Variants in MACROD2 observed in about 807,000 individuals in gnomAD.
MACROD2 encodes the protein ADP-ribose glycohydrolase MACROD2.
A neutral mutation model predicts 70.4 loss-of-function variants in MACROD2; 36 were observed. The observed-to-expected ratio is 0.51, with a 90% CI of 0.39 to 0.68. The LOEUF is 0.68. Among genes scored for constraint, MACROD2 ranks in the 30% least tolerant of loss-of-function variants. The pLI, the probability that MACROD2 is intolerant of heterozygous loss-of-function variation, is 0.00. For synonymous variants in MACROD2, 172 were observed against 178.8 expected, an observed-to-expected ratio of 0.96 and a Z score of 0.30; for missense variants, 496 against 538.4, an observed-to-expected ratio of 0.92 and a Z score of 0.78.
chr20:14,947,483 C>T (rs2074442027), intron 5 of MACROD2, among the ~76,000 whole-genome samples: 1 of 152,114 alleles, frequency 6.6e-6, no homozygotes, highest in Non-Finnish European at 1.5e-5. Flanking sequence ...CAAGTAAAGG[C>T]TTTAGCAAGA....
intron 9 of MACROD2, among the ~76,000 whole-genome samples, chr20:15,878,596 C>T (rs184609400): frequency 2.7e-4 from 41 of 152,170 alleles, no homozygotes; most frequent in African/African-American, 9.9e-4. Context: ...ATTATGGTGG[C>T]TCTAGGTAAT....
At chr20:15,157,885 A>G (rs2076320524) in intron 5 of MACROD2, among the ~76,000 whole-genome samples, 1 of 152,036 alleles carries the variant, frequency 6.6e-6, no homozygotes, top group Non-Finnish European at 1.5e-5. Context: ...ACTTTCTCCC[A>G]TTGCCCTGTC....
intron 1 of MACROD2, among the ~76,000 whole-genome samples, chr20:14,001,935 G>A (rs2052738121): frequency 6.6e-6 from 1 of 152,130 alleles, no homozygotes. Context: ...ACACATTGGG[G>A]ATTACATTTC....
chr20:14,261,498 A>G (rs2082100549), intron 3 of MACROD2, among the ~76,000 whole-genome samples: 1 of 152,134 alleles, frequency 6.6e-6, no homozygotes, highest in South Asian at 2.1e-4. Flanking sequence ...TAAGAATAAT[A>G]TATTAGTTTC....
At chr20:15,694,446 T>C (rs1198579459) in intron 8 of MACROD2, among the ~76,000 whole-genome samples, 1 of 152,246 alleles carries the variant, frequency 6.6e-6, no homozygotes, top group Non-Finnish European at 1.5e-5. Flanking sequence ...TGGTTTTGAT[T>C]TGCATTTCTC....
Position 14,423,117 on chromosome 20 carries a change from G to C in MACROD2, c.272-70362G>C, listed in dbSNP as rs574381724. Among the ~76,000 whole-genome samples, 3 of 152,316 alleles carry C rather than the reference G, an allele frequency of 2.0e-5. No individual in the cohort carries two copies. The East Asian group carries it at 5.8e-4, about 29-fold the overall frequency. On this transcript the variant is annotated intron_variant, in intron 3 of 17. Coordinates refer to ENST00000684519, the MANE Select transcript of MACROD2 (RefSeq NM_001351661.2). ...ATTTGCAAATAAAGTCTGTTCTGCT[G>C]TGTTTGCTTTGAGGGAGGGAATGGG...
chr20:14,552,011 T>C (rs1009397427), intron 4 of MACROD2, among the ~76,000 whole-genome samples: 1 of 152,080 alleles, frequency 6.6e-6, no homozygotes, highest in Admixed American at 6.6e-5. Context: ...TTAATACAAA[T>C]GTTTAATTTC....
At chr20:14,271,028 C>T (rs2082189592) in intron 3 of MACROD2, among the ~76,000 whole-genome samples, 1 of 152,222 alleles carries the variant, frequency 6.6e-6, no homozygotes, top group Admixed American at 6.5e-5. Flanking sequence ...CTCAAGGAGG[C>T]CTGCCTGCCT....
At chr20:15,367,599 A>T (rs6043239) in intron 6 of MACROD2, among the ~76,000 whole-genome samples, 5,007 of 152,214 alleles carry the variant, frequency 0.033, 277 homozygotes, top group African/African-American at 0.11. Flanking sequence ...CAAATTCAGG[A>T]TCTTCTAAGT....
intron 5 of MACROD2, among the ~76,000 whole-genome samples, chr20:14,819,563 G>A (rs2072816210): frequency 6.6e-6 from 1 of 152,042 alleles, no homozygotes; most frequent in African/African-American, 2.4e-5. Context: ...AGGGAGGTTA[G>A]CTAAGCTATT....
At chr20:15,659,786 A>G (rs772235110) in intron 8 of MACROD2, among the ~76,000 whole-genome samples, 10 of 152,124 alleles carry the variant, frequency 6.6e-5, no homozygotes, top group Non-Finnish European at 1.2e-4. Flanking sequence ...TCAGCCTCAG[A>G]TGAGGGCTTT....
chr20:14,072,366 G>A (rs1002704134), intron 2 of MACROD2, among the ~76,000 whole-genome samples: 1 of 152,010 alleles, frequency 6.6e-6, no homozygotes, highest in Non-Finnish European at 1.5e-5. Flanking sequence ...ACTAAAAATG[G>A]TATATGAGAG....
At chr20:14,852,734 A>G (rs1396796634) in intron 5 of MACROD2, among the ~76,000 whole-genome samples, 2 of 152,222 alleles carry the variant, frequency 1.3e-5, no homozygotes, top group Non-Finnish European at 2.9e-5. Flanking sequence ...ATACTTGTCC[A>G]GTTGGAAGCA....
intron 7 of MACROD2, among the ~76,000 whole-genome samples, chr20:15,483,031 A>G (rs1600477302): frequency 6.6e-6 from 1 of 152,000 alleles, no homozygotes; most frequent in East Asian, 1.9e-4. Flanking sequence ...TTCTCATTCT[A>G]TTGATGTTGT....
intron 8 of MACROD2, among the ~76,000 whole-genome samples, chr20:15,746,327 G>A (rs561308888): frequency 8.6e-5 from 13 of 151,616 alleles, no homozygotes; most frequent in Non-Finnish European, 1.5e-4. Context: ...TTATTTTTAT[G>A]TATTGATTTT....
intron 8 of MACROD2, among the ~76,000 whole-genome samples, chr20:15,842,587 T>G: frequency 6.7e-6 from 1 of 150,332 alleles, no homozygotes; most frequent in Non-Finnish European, 1.5e-5. Flanking sequence ...AAAAGCATCA[T>G]GTTGGTTGCA....
rs182053054 is a variant in MACROD2, at chr20:14,165,802, C to T, written c.271+80074C>T. On this transcript the variant is annotated intron_variant, in intron 3 of 17. Coordinates refer to ENST00000684519, the MANE Select transcript of MACROD2 (RefSeq NM_001351661.2). ...CATTGATGGATGAATGAAAATCCCT[C>T]GGTTATCAGTGTGGAAATTTTTAAT... Among the ~76,000 whole-genome samples the T allele has an allele frequency of 1.1e-3, 163 of 152,228 alleles. 1 individual carries two copies. The highest frequency in any genetic ancestry group is 2.4e-3 in the Admixed American group (37 of 15,294).
chr20:15,799,678 A>G (rs555594966), intron 8 of MACROD2, among the ~76,000 whole-genome samples: 1 of 152,316 alleles, frequency 6.6e-6, no homozygotes, highest in East Asian at 1.9e-4. Context: ...TATTTTATTT[A>G]TCCATTCATT....
At chr20:15,976,841 G>A (rs1243379274) in intron 13 of MACROD2, among the ~76,000 whole-genome samples, 1 of 152,216 alleles carries the variant, frequency 6.6e-6, no homozygotes, top group Non-Finnish European at 1.5e-5. Context: ...GGGCAAGGAA[G>A]AGAAATATTC....
Sources: allele counts gnomAD v4.1 joint callset (sites outside exome capture counted in the v4.1 genomes callset), GRCh38; gene constraint gnomAD v4.1.1; transcripts MANE v1.5; gene names NCBI Gene and HGNC (gene_info 2026-07-23, HGNC 2026-07-21).